Variants in CDC27 observed in about 807,000 individuals in gnomAD.
The protein encoded by CDC27 is cell division cycle 27.
CDC27 carries 27 observed loss-of-function variants against 109.7 expected under a neutral mutation model. That is an observed-to-expected ratio of 0.25 (90% CI 0.18 to 0.34). CDC27 has a LOEUF of 0.34. CDC27 is among the 10% of genes least tolerant of loss of function. The pLI, the probability that CDC27 is intolerant of heterozygous loss-of-function variation, is 1.00. For missense variants in CDC27, 579 were observed against 960.2 expected (o/e 0.60, Z 5.25); for synonymous variants, 266 against 333.9 (o/e 0.80, Z 2.22).
chr17:47,131,424 T>C (rs1395070660), intron 15 of CDC27, among the ~76,000 whole-genome samples: 1 of 152,008 alleles, frequency 6.6e-6, no homozygotes, highest in African/African-American at 2.4e-5. Flanking sequence ...AGAATTAGAA[T>C]TCTACTCTCC....
At chr17:47,143,021 G>T (rs2062845728) in intron 10 of CDC27, among the ~76,000 whole-genome samples, 1 of 151,860 alleles carries the variant, frequency 6.6e-6, no homozygotes, top group Non-Finnish European at 1.5e-5. Context: ...GCCCGTGCTG[G>T]AGTGTAATGA....
intron 4 of CDC27, among the ~76,000 whole-genome samples, chr17:47,164,959 T>C (rs558469727): frequency 8.2e-4 from 125 of 152,298 alleles, no homozygotes; most frequent in Admixed American, 9.8e-4. Flanking sequence ...TAAAACTGTT[T>C]TAATATCCCA....
intron 2 of CDC27, chr17:47,181,331 GA>G: frequency 8.1e-6 from 1 of 123,136 alleles, no homozygotes; most frequent in Non-Finnish European, 1.6e-5. Context: ...CCTAAAGATT[GA>G]AAAATGATTA....
intron 2 of CDC27, among the ~76,000 whole-genome samples, chr17:47,176,718 A>G (rs888258442): frequency 2.0e-5 from 3 of 152,202 alleles, no homozygotes; most frequent in Non-Finnish European, 4.4e-5. Context: ...AACGGGAGAT[A>G]AGGAAAATTC....
intron 4 of CDC27, chr17:47,159,809 C>CT: frequency 6.5e-6 from 3 of 462,324 alleles, no homozygotes; most frequent in Non-Finnish European, 1.3e-5. Flanking sequence ...CTCAGATTCC[C>CT]TGATGGGCAG....
intron 15 of CDC27, among the ~76,000 whole-genome samples, chr17:47,130,691 A>G (rs2062297619): frequency 6.6e-6 from 1 of 151,978 alleles, no homozygotes; most frequent in Non-Finnish European, 1.5e-5. Flanking sequence ...CCTGGCCAAC[A>G]TGATGAAACC....
Position 47,129,424 on chromosome 17 carries a change from G to C in CDC27, c.2129C>G (p.Ala710Gly). The change falls in exon 16 of 19, where the codon GCC (alanine) becomes GGC (glycine). Residue 710 changes from alanine to glycine, a missense_variant. Transcript: ENST00000066544. The stretch of plus-strand genomic sequence containing the variant: ...TTTTTCATTTGCAAATAAAACTGAG[G>C]CTCTGTGAAATTTGCATAGAGGGTT... ...PKNPLCKFHR[A>G]SVLFANEKYK... is the part of the protein sequence containing the mutation. The C allele has an allele frequency of 6.2e-7, 1 of 1,611,426 alleles. No individual in the cohort carries two copies. The highest frequency in any genetic ancestry group is 8.5e-7 in the Non-Finnish European group (1 of 1,177,866).
intron 16 of CDC27, among the ~76,000 whole-genome samples, chr17:47,126,913 C>T (rs944035557): frequency 6.6e-6 from 1 of 152,102 alleles, no homozygotes; most frequent in South Asian, 2.1e-4. Context: ...CATGCCTCAG[C>T]CACTTGAGTA....
chr17:47,138,386 C>T (rs1344330090), intron 13 of CDC27, among the ~76,000 whole-genome samples: 1 of 152,246 alleles, frequency 6.6e-6, no homozygotes, highest in East Asian at 1.9e-4. Context: ...ATTAATTGCA[C>T]CTATGTCTTA....
intron 2 of CDC27, among the ~76,000 whole-genome samples, chr17:47,173,142 T>C (rs2063864927): frequency 6.6e-6 from 1 of 152,220 alleles, no homozygotes; most frequent in Admixed American, 6.5e-5. Flanking sequence ...CCACATCTTT[T>C]TAAATAGTTA....
Position 47,141,959 on chromosome 17 carries a change from T to C in CDC27, c.1445A>G (p.Lys482Arg). 6.2e-7 allele frequency: 1 copy of C among 1,609,292 alleles called. No homozygotes were observed. ...ATGGCTCAAAATATTTATAGCTTCT[T>C]TGCAGTTGTATGAACACAAAGCTAA... is the stretch of plus-strand genomic sequence containing the variant. The part of the protein sequence containing the change: ...GYLALCSYNC[K>R]EAINILSHLP... Residue 482 changes from lysine (K) to arginine (R), a missense_variant, in exon 12 of 19, where the codon AAA (lysine) becomes AGA (arginine). By Grantham distance (26) the Lys-to-Arg change is conservative (BLOSUM62 2). Around this residue, in one of 9 missense-constraint regions of CDC27, gnomAD observed 58 missense variants for 116.6 expected, o/e 0.50. Coordinates refer to ENST00000066544, the MANE Select transcript of CDC27 (RefSeq NM_001256.6).
intron 10 of CDC27, 59 bp from the exon 11 acceptor site, chr17:47,142,495 GC>G: frequency 1.5e-6 from 1 of 654,322 alleles, no homozygotes; most frequent in South Asian, 2.2e-5. Flanking sequence ...TTTCTCCTCA[GC>G]CCTTTCTCCA....
intron 2 of CDC27, among the ~76,000 whole-genome samples, chr17:47,177,881 T>C (rs113766653): frequency 8.0e-5 from 12 of 150,492 alleles, no homozygotes; most frequent in Admixed American, 3.9e-4. Context: ...CACACACACA[T>C]ATCTCCAAAG....
chr17:47,158,785 A>G lies in CDC27; in HGVS notation c.378-482T>C, dbSNP rs528020408. ...AGGTGCGCACCACCATATCCGGCTA[A>G]TTTTTGCATATTTTGTAGAGACCAG... On this transcript the variant is annotated intron_variant, in intron 4 of 18. Transcript: ENST00000066544. 3.3e-5 allele frequency among the ~76,000 whole-genome samples: 5 copies of G among 152,148 alleles called. No individual in the cohort carries two copies. In the South Asian group the frequency reaches 1.0e-3, roughly 32 times the overall value.
intron 9 of CDC27, among the ~76,000 whole-genome samples, chr17:47,144,678 A>C (rs2148875532): frequency 6.6e-6 from 1 of 152,342 alleles, no homozygotes; most frequent in Non-Finnish European, 1.5e-5. Flanking sequence ...TAAAATCTGA[A>C]ACAATCTAGA....
intron 16 of CDC27, among the ~76,000 whole-genome samples, chr17:47,125,112 T>A (rs1400773388): frequency 6.6e-6 from 1 of 151,464 alleles, no homozygotes; most frequent in Non-Finnish European, 1.5e-5. Flanking sequence ...AGAGATGGGG[T>A]TTCACTAAAG....
intron 15 of CDC27, among the ~76,000 whole-genome samples, 164 bp downstream of exon 15, chr17:47,132,093 A>AT (rs11570547): frequency 1.3e-5 from 2 of 149,688 alleles, no homozygotes; most frequent in Admixed American, 1.3e-4. Flanking sequence ...CAATTCTGTG[A>AT]TTTTTTATGC....
intron 1 of CDC27, among the ~76,000 whole-genome samples, chr17:47,187,914 A>G (rs1417768120): frequency 6.6e-6 from 1 of 152,052 alleles, no homozygotes; most frequent in East Asian, 1.9e-4. Context: ...AGCTCTAGAA[A>G]AACTAATACA....
chr17:47,128,044 C>T (rs2062200944), intron 16 of CDC27, among the ~76,000 whole-genome samples: 1 of 151,272 alleles, frequency 6.6e-6, no homozygotes, highest in African/African-American at 2.4e-5. Context: ...TTCTATTTTT[C>T]TTTTGTGAGA....
Sources: allele counts gnomAD v4.1 joint callset (sites outside exome capture counted in the v4.1 genomes callset), GRCh38; gene constraint gnomAD v4.1.1; regional missense constraint gnomAD v4.1.1; transcripts MANE v1.5; gene names NCBI Gene and HGNC (gene_info 2026-07-23, HGNC 2026-07-21).